Variants in HEPHL1 observed in about 807,000 individuals in gnomAD.
HEPHL1 encodes the protein ferroxidase HEPHL1.
HEPHL1 carries 123 observed loss-of-function variants against 122.0 expected under a neutral mutation model. The observed-to-expected ratio is 1.01, with a 90% CI of 0.87 to 1.17. The LOEUF is 1.17. Among genes scored for constraint, HEPHL1 ranks in the 50% most tolerant of loss-of-function variants. The pLI, the probability that HEPHL1 is intolerant of heterozygous loss-of-function variation, is 0.00. For missense variants in HEPHL1, 1,452 were observed against 1,430.5 expected, an observed-to-expected ratio of 1.01 and a Z score of -0.24; for synonymous variants, 527 against 508.9, an observed-to-expected ratio of 1.04 and a Z score of -0.48.
chr11:94,025,799 A>G (rs888500181), intron 1 of HEPHL1, among the ~76,000 whole-genome samples: 5 of 152,178 alleles, frequency 3.3e-5, no homozygotes, highest in Admixed American at 3.3e-4. Context: ...TAAAGAAAAG[A>G]ATATCATCTG....
intron 16 of HEPHL1, 41 bp from the exon 17 acceptor site, chr11:94,105,950 T>C (rs1488480426): frequency 1.4e-6 from 2 of 1,430,444 alleles, no homozygotes; most frequent in Middle Eastern, 1.8e-4. Context: ...TCAGCTTATC[T>C]TTTAACTAAC....
Position 94,093,082 on chromosome 11 carries a change from G to A in HEPHL1, c.2295-419G>A, listed in dbSNP as rs1338279227. On this transcript the variant is annotated intron_variant, in intron 12 of 19. Transcript: ENST00000315765. The stretch of plus-strand genomic sequence containing the variant: ...TATGAAATCTGGAGAAACTCAGGGT[G>A]GTAGAGGGTGGACGTGTATGTGTGT... Among the ~76,000 whole-genome samples the A allele has an allele frequency of 2.1e-5, 3 of 144,798 alleles. No homozygotes were observed. The Admixed American group carries it at 2.1e-4, about 10-fold the overall frequency. 95.0% of individuals were successfully genotyped at this position (144,798 alleles called of 152,430 possible). A position where few individuals can be genotyped will look rare whatever the true frequency, so the allele number is the denominator to read the frequency against.
rs549864557 is a variant in HEPHL1 at position 94,056,544 on chromosome 11, G to A, written c.416-6964G>A. Among the ~76,000 whole-genome samples, 99 of 151,822 alleles carry A rather than the reference G, an allele frequency of 6.5e-4. No individual in the cohort carries two copies. The South Asian group carries it at 7.3e-3, about 11-fold the overall frequency. ...AGTTATTTTCTTATTGGTTTGCCTC[G>A]GGATTGTAATATGCACCCTAGTTTA... On this transcript the variant is annotated intron_variant, in intron 2 of 19. Coordinates refer to ENST00000315765, the MANE Select transcript of HEPHL1 (RefSeq NM_001098672.2).
chr11:94,069,623 T>C (rs977242106), intron 5 of HEPHL1, among the ~76,000 whole-genome samples: 1 of 152,190 alleles, frequency 6.6e-6, no homozygotes, highest in African/African-American at 2.4e-5. Context: ...TGTCGGTGAA[T>C]ATAGAGCTTA....
chr11:94,111,189 T>A (rs1318367082), intron 18 of HEPHL1, 124 bp downstream of exon 18: 1 of 728,982 alleles, frequency 1.4e-6, no homozygotes, highest in Admixed American at 2.9e-5. Context: ...AAGAGAGACA[T>A]ATATGTAAAT....
intron 1 of HEPHL1, among the ~76,000 whole-genome samples, chr11:94,043,250 G>A (rs1181912657): frequency 6.6e-6 from 1 of 152,148 alleles, no homozygotes; most frequent in Admixed American, 6.5e-5. Context: ...AAATTTAAGA[G>A]ATTAGAGGAA....
At chr11:94,070,629 A>G (rs1235063278) in intron 6 of HEPHL1, 87 bp downstream of exon 6, 2 of 1,136,880 alleles carry the variant, frequency 1.8e-6, no homozygotes, top group Non-Finnish European at 2.5e-6. Flanking sequence ...TATTCCAACC[A>G]CTGCTCTGAT....
chr11:94,057,986 T>C, intron 2 of HEPHL1, among the ~76,000 whole-genome samples: 1 of 152,194 alleles, frequency 6.6e-6, no homozygotes, highest in East Asian at 1.9e-4. Flanking sequence ...GGATTATCTT[T>C]CCTATAGTGT....
At chr11:94,101,872 T>C (rs1946370076) in intron 14 of HEPHL1, among the ~76,000 whole-genome samples, 1 of 152,226 alleles carries the variant, frequency 6.6e-6, no homozygotes, top group African/African-American at 2.4e-5. Context: ...TTTAGTTACC[T>C]GAATCAATCT....
chr11:94,076,674 C>A (rs1239736470), intron 9 of HEPHL1, among the ~76,000 whole-genome samples: 3 of 152,002 alleles, frequency 2.0e-5, no homozygotes, highest in Non-Finnish European at 4.4e-5. Context: ...AACCATTTGG[C>A]CAGATGGAAA....
At chr11:94,036,146 G>C (rs559821309) in intron 1 of HEPHL1, among the ~76,000 whole-genome samples, 2 of 152,364 alleles carry the variant, frequency 1.3e-5, no homozygotes, top group South Asian at 4.1e-4. Context: ...GGGTGACACA[G>C]TCATACATGA....
At chr11:94,046,091 C>CTTTTTTTTTTCTTTTTTTTTT (rs1555059416) in intron 2 of HEPHL1, among the ~76,000 whole-genome samples, 174 bp downstream of exon 2, 5 of 65,044 alleles carry the variant, frequency 7.7e-5, no homozygotes, top group Non-Finnish European at 1.3e-4. Context: ...CCCTTTCTTG[C>CTTTTTTTTTTCTTTTTTTTTT]TTTTTTTTTT....
chr11:94,088,827 G>T lies in HEPHL1; in HGVS notation c.2153G>T (p.Ser718Ile). The T allele has an allele frequency of 6.2e-7, 1 of 1,614,028 alleles. No individual in the cohort carries two copies. The highest frequency in any genetic ancestry group is 8.5e-7 in the Non-Finnish European group (1 of 1,179,894). ...ATGGGTCAGATCTATGAGGTCAGCA[G>T]CTGTGACAACAGGGACCCTTCTGAG... ...RGMGQIYEVS[S>I]CDNRDPSEQR... The change falls in exon 12 of 20, where the codon AGC (serine) becomes ATC (isoleucine). Residue 718 changes from serine to isoleucine, a missense_variant. Ser to Ile is a moderately radical substitution (Grantham distance 142). Transcript: ENST00000315765.
At chr11:94,021,778 T>C (rs1249058569) in intron 1 of HEPHL1, among the ~76,000 whole-genome samples, 2 of 152,228 alleles carry the variant, frequency 1.3e-5, no homozygotes, top group Non-Finnish European at 2.9e-5. Flanking sequence ...AAGGGACATA[T>C]ACACAACCAG....
At chr11:94,050,814 C>T (rs1225917087) in intron 2 of HEPHL1, among the ~76,000 whole-genome samples, 1 of 152,104 alleles carries the variant, frequency 6.6e-6, no homozygotes, top group Non-Finnish European at 1.5e-5. Context: ...TTCCTCCCAC[C>T]TTTCCACTAC....
chr11:94,046,579 G>A (rs4753120), intron 2 of HEPHL1, among the ~76,000 whole-genome samples: 83,429 of 146,418 alleles, frequency 0.57, 24,105 homozygotes, highest in African/African-American at 0.62. Context: ...TCCTATCTCC[G>A]GTAGCAGCCT....
At chr11:94,083,909 A>T (rs1013880072) in intron 10 of HEPHL1, among the ~76,000 whole-genome samples, 16 of 152,248 alleles carry the variant, frequency 1.1e-4, no homozygotes, top group Admixed American at 2.0e-4. Flanking sequence ...ACTAAATTGT[A>T]AAAGAAATTT....
At chr11:94,073,682 A>C (rs2134434200) in intron 8 of HEPHL1, among the ~76,000 whole-genome samples, 1 of 152,202 alleles carries the variant, frequency 6.6e-6, no homozygotes, top group Non-Finnish European at 1.5e-5. Context: ...GTTCTTAGGA[A>C]ATGTTCATTT....
rs1197820993 is a variant in HEPHL1 at position 94,104,675 on chromosome 11, A to G, written c.2830A>G (p.Ile944Val). The G allele has an allele frequency of 6.2e-7, 1 of 1,613,868 alleles. No homozygotes were observed. Among genetic ancestry groups the G allele is most frequent in the Non-Finnish European group, 8.5e-7 (1 of 1,179,744 alleles). Residue 944 changes from isoleucine (I) to valine (V), a missense_variant, in exon 16 of 20, where the codon ATT becomes GTT. By Grantham distance (29) the Ile-to-Val change is conservative (BLOSUM62 3). Coordinates refer to ENST00000315765, the MANE Select transcript of HEPHL1 (RefSeq NM_001098672.2). ...ENESWYLDDN[I>V]KKYLNKDPRD... ...TGAATCCTGGTATCTGGATGACAAT[A>G]TTAAGAAGTATCTCAACAAAGATCC...
Sources: allele counts gnomAD v4.1 joint callset (sites outside exome capture counted in the v4.1 genomes callset), GRCh38; gene constraint gnomAD v4.1.1; transcripts MANE v1.5; gene names NCBI Gene and HGNC (gene_info 2026-07-23, HGNC 2026-07-21).